DMXL2: variants seen among roughly 807,000 people sequenced by gnomAD.
The protein encoded by DMXL2 is Dmx like 2.
A neutral mutation model predicts 331.1 loss-of-function variants in DMXL2; 103 were observed. The ratio of observed to expected loss-of-function variants is 0.31; its 90% CI spans 0.27 to 0.37. The LOEUF (loss-of-function observed/expected upper bound fraction) is 0.37. Among genes scored for constraint, DMXL2 ranks in the 10% least tolerant of loss-of-function variants. The probability of loss-of-function intolerance (pLI) is 1.00; values close to 1 mark genes in which losing one functional copy is unlikely to be tolerated. For synonymous variants in DMXL2, 1,281 were observed against 1,252.1 expected, an observed-to-expected ratio of 1.02 and a Z score of -0.49; for missense variants, 3,171 against 3,642.9, an observed-to-expected ratio of 0.87 and a Z score of 3.33.
At chr15:51,612,443 C>T (rs1324756787) in intron 1 of DMXL2, among the ~76,000 whole-genome samples, 1 of 152,048 alleles carries the variant, frequency 6.6e-6, no homozygotes, top group Admixed American at 6.6e-5. Flanking sequence ...CCCTAAGTGT[C>T]GGCCAGTCTG....
intron 8 of DMXL2, among the ~76,000 whole-genome samples, chr15:51,544,532 C>T (rs1481630399): frequency 6.6e-6 from 1 of 152,026 alleles, no homozygotes; most frequent in Admixed American, 6.6e-5. Flanking sequence ...AAGAATGGCC[C>T]AATACAGACA....
At chr15:51,544,460 A>C (rs1054166896) in intron 8 of DMXL2, among the ~76,000 whole-genome samples, 18 of 152,150 alleles carry the variant, frequency 1.2e-4, no homozygotes, top group African/African-American at 3.9e-4. Context: ...TAGGACCATG[A>C]GCCAATTAAA....
At chr15:51,535,565 C>A in intron 13 of DMXL2, 98 bp downstream of exon 13, 1 of 1,106,068 alleles carries the variant, frequency 9.0e-7, no homozygotes. Context: ...CATATACTTA[C>A]TCCCTAAACA....
Position 51,450,123 on chromosome 15 carries a change from A to C in DMXL2, c.8967+6T>G. On this transcript the variant is annotated splice_donor_region_variant and intron_variant, in intron 43 of 43. Transcript: ENST00000560891. ...TAGCACATTCCAACCTCTTGTACTG[A>C]CTCACCTTTATGTTACCTTCTGCTG... 6.2e-7 allele frequency: 1 copy of C among 1,613,080 alleles called. No individual in the cohort carries two copies. Among genetic ancestry groups the C allele is most frequent in the Non-Finnish European group, 8.5e-7 (1 of 1,179,516 alleles).
chr15:51,458,791 T>C lies in DMXL2; in HGVS notation c.7994A>G (p.Glu2665Gly), dbSNP rs749261523. 1.5e-5 allele frequency: 25 copies of C among 1,613,802 alleles called. No individual in the cohort carries two copies. The South Asian group carries it at 2.6e-4, about 17-fold the overall frequency. The change falls in exon 35 of 44, where the codon GAA (glutamate) becomes GGA (glycine). Residue 2665 changes from glutamate (E) to glycine (G), a missense_variant. Glu to Gly is a moderately conservative substitution (Grantham distance 98). Coordinates refer to ENST00000560891, the MANE Select transcript of DMXL2 (RefSeq NM_001378457.1). ...CIAEDCHIKV[E>G]ADLGYPGGKA... The stretch of plus-strand genomic sequence containing the variant: ...TCCACCTGGATAGCCCAGATCAGCT[T>C]CAACCTAGAAAACATTCATCAGCAG...
At chr15:51,537,791 C>T in intron 10 of DMXL2, 32 bp from the exon 11 acceptor site, 1 of 1,584,956 alleles carries the variant, frequency 6.3e-7, no homozygotes, top group Non-Finnish European at 8.6e-7. Context: ...TCAATACAAG[C>T]ATTAAATAAT....
At chr15:51,576,869 T>C (rs983550875) in intron 1 of DMXL2, among the ~76,000 whole-genome samples, 6 of 152,160 alleles carry the variant, frequency 3.9e-5, no homozygotes, top group Non-Finnish European at 5.9e-5. Context: ...TGAATTTATA[T>C]AGAATATTGG....
intron 20 of DMXL2, among the ~76,000 whole-genome samples, chr15:51,490,794 T>A (rs2042737261): frequency 6.6e-6 from 1 of 152,220 alleles, no homozygotes; most frequent in Non-Finnish European, 1.5e-5. Context: ...TGATAGCCAT[T>A]TCACTTGCTG....
intron 3 of DMXL2, among the ~76,000 whole-genome samples, chr15:51,566,374 C>A (rs770493273): frequency 2.6e-5 from 4 of 151,996 alleles, no homozygotes; most frequent in African/African-American, 9.7e-5. Context: ...GCTGACCAAA[C>A]AACAATCACA....
At chr15:51,599,103 T>G (rs1357822582) in intron 1 of DMXL2, among the ~76,000 whole-genome samples, 1 of 152,238 alleles carries the variant, frequency 6.6e-6, no homozygotes, top group East Asian at 1.9e-4. Flanking sequence ...TCATTTATTT[T>G]CATACCCAGA....
intron 30 of DMXL2, 109 bp downstream of exon 30, chr15:51,466,075 T>A (rs2040542156): frequency 1.0e-6 from 1 of 973,504 alleles, no homozygotes; most frequent in African/African-American, 1.7e-5. Flanking sequence ...ACATAAGTCA[T>A]TTCTTATATA....
chr15:51,466,112 A>T, intron 30 of DMXL2, 72 bp downstream of exon 30: 1 of 1,186,064 alleles, frequency 8.4e-7, no homozygotes, highest in Non-Finnish European at 1.2e-6. Context: ...GTTATTTAAA[A>T]TTAATAACAT....
intron 1 of DMXL2, among the ~76,000 whole-genome samples, chr15:51,613,072 G>A (rs898457045): frequency 2.6e-5 from 4 of 152,224 alleles, no homozygotes; most frequent in Admixed American, 6.5e-5. Context: ...CTTGTTCCCT[G>A]AACATTGCTG....
At chr15:51,449,564 T>C (rs2038953685) in intron 43 of DMXL2, among the ~76,000 whole-genome samples, 3 of 152,242 alleles carry the variant, frequency 2.0e-5, no homozygotes, top group Admixed American at 6.5e-5. Flanking sequence ...ACAAGACTTT[T>C]TGACTTTATG....
At chr15:51,453,157 GCACC>G in intron 41 of DMXL2, 1 of 177,878 alleles carries the variant, frequency 5.6e-6, no homozygotes, top group Non-Finnish European at 1.2e-5. Flanking sequence ...GGTGATGGGT[GCACC>G]AAAATCTCAG....
intron 3 of DMXL2, among the ~76,000 whole-genome samples, chr15:51,565,546 G>A (rs561183707): frequency 1.2e-3 from 181 of 152,238 alleles, no homozygotes; most frequent in Non-Finnish European, 2.2e-3. Flanking sequence ...CATCCTGGCA[G>A]CACCAATACC....
intron 13 of DMXL2, among the ~76,000 whole-genome samples, chr15:51,520,353 A>C (rs751134965): frequency 6.6e-6 from 1 of 152,254 alleles, no homozygotes; most frequent in Non-Finnish European, 1.5e-5. Flanking sequence ...GAGAGGACAA[A>C]TCACTCAGCA....
At chr15:51,508,613 A>G (rs2046558669) in intron 15 of DMXL2, among the ~76,000 whole-genome samples, 1 of 152,200 alleles carries the variant, frequency 6.6e-6, no homozygotes, top group South Asian at 2.1e-4. Context: ...TTCATTAAAG[A>G]GTTTTCTTAA....
chr15:51,586,816 T>C (rs2051864328), intron 1 of DMXL2, among the ~76,000 whole-genome samples: 1 of 152,140 alleles, frequency 6.6e-6, no homozygotes, highest in African/African-American at 2.4e-5. Context: ...TTAACCATTA[T>C]AAAACCAACT....
Sources: allele counts gnomAD v4.1 joint callset (sites outside exome capture counted in the v4.1 genomes callset), GRCh38; gene constraint gnomAD v4.1.1; transcripts MANE v1.5; gene names NCBI Gene and HGNC (gene_info 2026-07-23, HGNC 2026-07-21).